IGF1: variants seen among roughly 807,000 people sequenced by gnomAD.
The protein encoded by IGF1 is insulin-like growth factor 1.
Under a neutral mutation model 13.8 loss-of-function variants are expected in IGF1, and 4 were observed. That is an observed-to-expected ratio of 0.29 (90% CI 0.14 to 0.66). The LOEUF (loss-of-function observed/expected upper bound fraction) is 0.66, where lower values mean the gene tolerates loss of function less well. IGF1 is among the 30% of genes least tolerant of loss of function. The probability of loss-of-function intolerance (pLI) is 0.78; values close to 1 mark genes in which losing one functional copy is unlikely to be tolerated. For missense variants in IGF1, 124 were observed against 188.5 expected (o/e 0.66, Z 2.00); for synonymous variants, 76 against 72.6 (o/e 1.05, Z -0.23).
chr12:102,417,978 T>C, intron 3 of IGF1: 1 of 1,613,020 alleles, frequency 6.2e-7, no homozygotes, highest in Non-Finnish European at 8.5e-7. Context: ...AGACTTCGTG[T>C]TCTTGTTGGT....
intron 2 of IGF1, among the ~76,000 whole-genome samples, chr12:102,466,498 C>T (rs1343254806): frequency 3.9e-5 from 6 of 152,164 alleles, no homozygotes; most frequent in Admixed American, 3.9e-4. Context: ...GCAGCTCCCT[C>T]TCCCAGCAAA....
In IGF1 at chr12:102,402,408, CTT is replaced by C. The variant is rs1873757414; in HGVS notation, c.*97_*98del. 2.6e-6 allele frequency: 2 copies of C among 777,514 alleles called. No homozygotes were observed. Among genetic ancestry groups the C allele is most frequent in the Admixed American group, 3.4e-5 (2 of 58,792 alleles). The allele number at this position is 777,514 out of a possible 1,614,324, so 48.2% of individuals were successfully genotyped here. A position where few individuals can be genotyped will look rare whatever the true frequency, so the allele number is the denominator to read the frequency against. Reference sequence around the variant, plus strand: ...CGCCCATCTTTTAAATGTTATCAAACTTATTTTTTGGTAGGTGTTCCAAAGTT... The same window carrying C: ...CGCCCATCTTTTAAATGTTATCAAACATTTTTTGGTAGGTGTTCCAAAGTT... On this transcript the variant is annotated 3_prime_UTR_variant, in exon 4 of 4. Transcript: ENST00000337514.
intron 2 of IGF1, among the ~76,000 whole-genome samples, chr12:102,473,415 A>G (rs1453831317): frequency 6.6e-6 from 1 of 152,218 alleles, no homozygotes; most frequent in Non-Finnish European, 1.5e-5. Context: ...ACATGAAAAT[A>G]ATCTAAATGG....
At chr12:102,415,973 C>T (rs1251544003) in intron 3 of IGF1, among the ~76,000 whole-genome samples, 1 of 152,174 alleles carries the variant, frequency 6.6e-6, no homozygotes, top group Non-Finnish European at 1.5e-5. Flanking sequence ...GCTTGGCTCC[C>T]ATGTGGGGCT....
At chr12:102,423,685 C>T (rs576012151) in intron 2 of IGF1, among the ~76,000 whole-genome samples, 5 of 152,112 alleles carry the variant, frequency 3.3e-5, no homozygotes, top group Admixed American at 6.5e-5. Flanking sequence ...AATGCATGGT[C>T]GGGGAGTAAT....
rs769405096 is a variant in IGF1, at chr12:102,419,614, G to A, written c.297C>T (p.Ser99=). ...ACATCTCCAGCCTCCTTAGATCACA[G>A]CTCCGGAAGCAGCACTCATCCACGA... The part of the protein sequence containing the change: ...TGIVDECCFR[S]CDLRRLEMYC... The change falls in exon 3 of 4, where the codon AGC becomes AGT. Residue 99 remains serine, a synonymous_variant. Transcript: ENST00000337514. The A allele has an allele frequency of 2.0e-5, 32 of 1,613,752 alleles. No individual in the cohort carries two copies. Among genetic ancestry groups the A allele is most frequent in the Admixed American group, 1.3e-4 (8 of 60,024 alleles).
chr12:102,474,010 G>A (rs1317645443), intron 2 of IGF1, among the ~76,000 whole-genome samples: 1 of 152,056 alleles, frequency 6.6e-6, no homozygotes, highest in Non-Finnish European at 1.5e-5. Context: ...ATTACCTAGT[G>A]AACTGGATCA....
intron 2 of IGF1, among the ~76,000 whole-genome samples, chr12:102,426,370 A>C (rs1431080148): frequency 6.6e-6 from 1 of 152,274 alleles, no homozygotes; most frequent in Non-Finnish European, 1.5e-5. Flanking sequence ...GGTAAACTAT[A>C]TAAATGTTGA....
intron 3 of IGF1, among the ~76,000 whole-genome samples, chr12:102,407,492 C>G (rs1294345795): frequency 6.6e-6 from 1 of 152,178 alleles, no homozygotes; most frequent in African/African-American, 2.4e-5. Flanking sequence ...TTTAAGGAAT[C>G]TGAAACTTAG....
In IGF1 at chr12:102,478,786, G is replaced by A. The variant is rs75960260; in HGVS notation, c.63+1533C>T. On this transcript the variant is annotated intron_variant, in intron 1 of 3. Coordinates refer to ENST00000337514, the MANE Select transcript of IGF1 (RefSeq NM_000618.5). Reference sequence around the variant, plus strand: ...TATGCCTATTGTAGCAGCCCAGATAGTGACCCAAGCTCCAGTCCACTCCCT... The same window carrying A: ...TATGCCTATTGTAGCAGCCCAGATAATGACCCAAGCTCCAGTCCACTCCCT... 2,713 of 510,750 alleles carry A rather than the reference G, an allele frequency of 5.3e-3. 67 individuals carry two copies. In the East Asian group the frequency reaches 0.062, roughly 12 times the overall value. The allele number at this position is 510,750 out of a possible 1,614,324, so 31.6% of individuals were successfully genotyped here.
intron 2 of IGF1, among the ~76,000 whole-genome samples, chr12:102,450,067 A>G (rs1052547307): frequency 6.6e-6 from 1 of 152,190 alleles, no homozygotes; most frequent in Non-Finnish European, 1.5e-5. Context: ...ACTCTTCCGA[A>G]TGGAGAAAAT....
chr12:102,445,080 T>C (rs1878196695), intron 2 of IGF1, among the ~76,000 whole-genome samples: 2 of 152,124 alleles, frequency 1.3e-5, no homozygotes, highest in African/African-American at 2.4e-5. Flanking sequence ...GCCTCTGTTC[T>C]GTTCCATTGG....
chr12:102,465,313 C>T (rs1474451586), intron 2 of IGF1, among the ~76,000 whole-genome samples: 1 of 152,192 alleles, frequency 6.6e-6, no homozygotes, highest in Non-Finnish European at 1.5e-5. Context: ...GATGGCCCTT[C>T]GTTTCCAAAG....
chr12:102,413,809 T>C (rs1241126010), intron 3 of IGF1, among the ~76,000 whole-genome samples: 1 of 152,168 alleles, frequency 6.6e-6, no homozygotes, highest in East Asian at 1.9e-4. Flanking sequence ...AAGTTCATTA[T>C]ATGACCCGGA....
rs371947838 is a variant in IGF1 at position 102,402,244 on chromosome 12, ATT to A, written c.*261_*262del. Reference sequence around the variant, plus strand: ...GGGACTAAGATATATATATATATATATTTTTTTTTTCTTTTCTATAGAACATT... The same window carrying A: ...GGGACTAAGATATATATATATATATATTTTTTTTCTTTTCTATAGAACATT... On this transcript the variant is annotated 3_prime_UTR_variant, in exon 4 of 4. Transcript: ENST00000337514. The A allele has an allele frequency of 3.9e-3, 894 of 226,832 alleles. 7 individuals carry two copies. Among genetic ancestry groups the A allele is most frequent in the East Asian group, 0.01 (100 of 9,618 alleles). 14.1% of individuals were successfully genotyped at this position (226,832 alleles called of 1,614,324 possible).
chr12:102,406,945 T>C (rs576827608), intron 3 of IGF1, among the ~76,000 whole-genome samples: 1 of 151,784 alleles, frequency 6.6e-6, no homozygotes, highest in South Asian at 2.1e-4. Flanking sequence ...ATACAAAAAA[T>C]TAGCCTGGTG....
chr12:102,480,263 C>G, intron 1 of IGF1, 56 bp downstream of exon 1: 2 of 1,504,184 alleles, frequency 1.3e-6, no homozygotes, highest in Non-Finnish European at 1.8e-6. Flanking sequence ...CAGAAGCAAA[C>G]AGTACACAAT....
intron 3 of IGF1, among the ~76,000 whole-genome samples, chr12:102,409,147 A>G (rs147252969): frequency 9.7e-4 from 148 of 152,330 alleles, no homozygotes; most frequent in African/African-American, 3.5e-3. Context: ...AATTGGATGT[A>G]ATAACCCTCA....
At chr12:102,476,601 T>TCAA (rs1241420129) in intron 1 of IGF1, among the ~76,000 whole-genome samples, 4 of 152,166 alleles carry the variant, frequency 2.6e-5, no homozygotes, top group African/African-American at 9.7e-5. Flanking sequence ...CAATATCAAA[T>TCAA]CAACACGTGT....
Sources: gnomAD v4.1 joint callset for allele counts (sites outside exome capture counted in the v4.1 genomes callset) on GRCh38, gnomAD v4.1.1 for gene constraint, MANE v1.5 for transcripts, NCBI Gene and HGNC (gene_info 2026-07-23, HGNC 2026-07-21) for gene names.